Variants in SLC26A5 observed in about 807,000 individuals in gnomAD.
SLC26A5 encodes the protein solute carrier family 26 member 5.
In SLC26A5, 51 loss-of-function variants were observed where a neutral mutation model predicts 81.0. That is an observed-to-expected ratio of 0.63 (90% confidence interval 0.50 to 0.80). SLC26A5 has a LOEUF of 0.80. SLC26A5 is among the 30% of genes least tolerant of loss of function. The probability of loss-of-function intolerance (pLI) is 0.00; values close to 1 mark genes in which losing one functional copy is unlikely to be tolerated. For missense variants in SLC26A5, 771 were observed against 905.8 expected (o/e 0.85, Z 1.91); for synonymous variants, 325 against 332.8 (o/e 0.98, Z 0.25).
chr7:103,378,464 G>T lies in SLC26A5; in HGVS notation c.1767C>A (p.Asn589Lys), dbSNP rs375613469. The T allele has an allele frequency of 8.1e-6, 13 of 1,614,058 alleles. No individual in the cohort carries two copies. The highest frequency in any genetic ancestry group is 1.1e-5 in the Non-Finnish European group (13 of 1,179,930). Residue 589 changes from asparagine (N) to lysine (K), a missense_variant, in exon 17 of 20, where the codon AAC (asparagine) becomes AAA (lysine). Physicochemically the swap from Asn to Lys is moderately conservative, Grantham distance 94. Transcript: ENST00000306312. The stretch of plus-strand genomic sequence containing the variant: ...CACTCACTGCTTTGACAACAGTTGC[G>T]TTGGCCATATTTGCATTTCCGACTT... ...AKEVGNANMANATVVKADAEV... is the reference protein window; with the variant it reads ...AKEVGNANMAKATVVKADAEV...
At chr7:103,393,930 A>C (rs7808975) in intron 9 of SLC26A5, among the ~76,000 whole-genome samples, 2 of 152,172 alleles carry the variant, frequency 1.3e-5, no homozygotes, top group African/African-American at 4.8e-5. Flanking sequence ...CATTTATTAT[A>C]TGCTTTCTCT....
At chr7:103,353,829 T>C in intron 19 of SLC26A5, 1 of 1,094,114 alleles carries the variant, frequency 9.1e-7, no homozygotes, top group South Asian at 1.4e-5. Flanking sequence ...TAAAACAATT[T>C]GAATCGAACA....
In SLC26A5 at chr7:103,367,672, T is replaced by C; in HGVS notation, c.2041+9136A>G. 1 of 1,607,752 alleles carries C rather than the reference T, an allele frequency of 6.2e-7. No homozygotes were observed. The highest frequency in any genetic ancestry group is 1.7e-5 in the Admixed American group (1 of 58,864). On this transcript the variant is annotated intron_variant, in intron 19 of 19. Transcript: ENST00000339444. This position sits in a 1 kb window ranked among gnomAD's most constrained non-coding sequence, Gnocchi z 6.1. ...TTTTTGAAGTTTTTTCTTCCTGTGA[T>C]TTTTTTCCATTTTAATATTTGTCAA...
At chr7:103,364,363 T>C (rs748982263) in intron 19 of SLC26A5, 8 of 1,586,642 alleles carry the variant, frequency 5.0e-6, no homozygotes, top group East Asian at 2.2e-5. Flanking sequence ...ACAGTATGAA[T>C]GAAATTAAAA....
intron 2 of SLC26A5, among the ~76,000 whole-genome samples, chr7:103,422,428 G>C (rs2116733761): frequency 6.6e-6 from 1 of 152,250 alleles, no homozygotes; most frequent in Admixed American, 6.5e-5. Flanking sequence ...CAACAAAAAT[G>C]TAAGGCACAG....
At chr7:103,394,371 A>G (rs1257348489) in intron 9 of SLC26A5, among the ~76,000 whole-genome samples, 1 of 152,232 alleles carries the variant, frequency 6.6e-6, no homozygotes, top group East Asian at 1.9e-4. Flanking sequence ...GCAGGGAGTC[A>G]AACCTGGGGG....
At chr7:103,353,091 A>G (rs1024652251) in intron 19 of SLC26A5, among the ~76,000 whole-genome samples, 2 of 152,224 alleles carry the variant, frequency 1.3e-5, no homozygotes, top group African/African-American at 4.8e-5. Context: ...GTGAATAGAA[A>G]AGATTAACTG....
chr7:103,391,497 C>T lies in SLC26A5; in HGVS notation c.1233+125G>A, dbSNP rs1490518121. On this transcript the variant is annotated intron_variant, in intron 11 of 19. Coordinates refer to ENST00000306312, the MANE Select transcript of SLC26A5 (RefSeq NM_198999.3). ...AATCATGCCTTTCTCTGATTCCCTACACAGCTCACTGGAGCATGGATCTGC... is the reference window on the plus strand; with the variant it reads ...AATCATGCCTTTCTCTGATTCCCTATACAGCTCACTGGAGCATGGATCTGC... 7.8e-6 allele frequency: 6 copies of T among 770,754 alleles called. No homozygotes were observed. The African/African-American group carries it at 8.6e-5, about 11-fold the overall frequency. 47.7% of individuals were successfully genotyped at this position (770,754 alleles called of 1,614,324 possible). A position where few individuals can be genotyped will look rare whatever the true frequency, so the allele number is the denominator to read the frequency against.
Position 103,385,687 on chromosome 7 carries a change from TTTTTC to T in SLC26A5, c.1514+3316_1514+3320del, listed in dbSNP as rs757290661. Among the ~76,000 whole-genome samples, 838 of 150,416 alleles carry T rather than the reference TTTTTC, an allele frequency of 5.6e-3. 2 individuals carry two copies. The highest frequency in any genetic ancestry group is 0.019 in the African/African-American group (757 of 40,142). On this transcript the variant is annotated intron_variant, in intron 14 of 19. Coordinates refer to ENST00000306312, the MANE Select transcript of SLC26A5 (RefSeq NM_198999.3). ...AAGAAAGAGAAGTAGAGCTTTTATT[TTTTTC>T]TTTTCTTTTCTTTTTTTTTTTTTTT...
chr7:103,442,202 C>T (rs1007688428), intron 2 of SLC26A5, among the ~76,000 whole-genome samples: 4 of 151,962 alleles, frequency 2.6e-5, no homozygotes, highest in African/African-American at 7.3e-5. Context: ...AGTATAGTGG[C>T]GCAATCTCGG....
chr7:103,376,334 C>A (rs894783270), intron 19 of SLC26A5, among the ~76,000 whole-genome samples: 5 of 152,154 alleles, frequency 3.3e-5, no homozygotes, highest in African/African-American at 1.2e-4. Flanking sequence ...CCTTGGCCTC[C>A]CGAAGTGCTG....
chr7:103,368,132 C>A, intron 19 of SLC26A5: 1 of 1,266,810 alleles, frequency 7.9e-7, no homozygotes, highest in Non-Finnish European at 1.1e-6. Flanking sequence ...AATTCATAAA[C>A]AAATAAATGG....
chr7:103,360,748 C>T (rs1034379270), intron 19 of SLC26A5, among the ~76,000 whole-genome samples: 1 of 152,166 alleles, frequency 6.6e-6, no homozygotes, highest in African/African-American at 2.4e-5. Flanking sequence ...CTATTTTATA[C>T]TGTGATGTGC....
At chr7:103,442,672 G>A (rs77766068) in intron 2 of SLC26A5, among the ~76,000 whole-genome samples, 10,798 of 152,196 alleles carry the variant, frequency 0.071, 1,292 homozygotes, top group African/African-American at 0.25. Flanking sequence ...CATTTTATAC[G>A]TAGAAAAATT....
intron 14 of SLC26A5, among the ~76,000 whole-genome samples, chr7:103,386,734 C>T (rs528673880): frequency 1.3e-5 from 2 of 152,034 alleles, no homozygotes; most frequent in African/African-American, 4.8e-5. Context: ...AAATTCTATA[C>T]TGTAGCTTGT....
In SLC26A5 at chr7:103,443,437, T is replaced by C. The variant is rs562533126; in HGVS notation, c.-182-226A>G. 1.1e-4 allele frequency among the ~76,000 whole-genome samples: 17 copies of C among 152,338 alleles called. 1 individual carries two copies. Among genetic ancestry groups the C allele is most frequent in the African/African-American group, 3.4e-4 (14 of 41,588 alleles). ...GAACTGCTAGGATGTGAGAAAGATA[T>C]AGTTCAATTTTTGAACTCAGCCATT... On this transcript the variant is annotated intron_variant, in intron 1 of 19. Transcript: ENST00000306312.
chr7:103,387,533 C>T (rs780378657), intron 14 of SLC26A5, among the ~76,000 whole-genome samples: 1 of 152,162 alleles, frequency 6.6e-6, no homozygotes, highest in Non-Finnish European at 1.5e-5. Context: ...CAGGCCTTGT[C>T]ATTTAAGCCT....
intron 9 of SLC26A5, 45 bp downstream of exon 9, chr7:103,397,887 C>T: frequency 7.4e-7 from 1 of 1,351,586 alleles, no homozygotes; most frequent in Non-Finnish European, 1.1e-6. Flanking sequence ...GCAATAGATC[C>T]ATTGATTATT....
At position 103,389,015 on chromosome 7, in the gene SLC26A5, T is replaced by C; in HGVS notation, c.1507A>G (p.Thr503Ala). ...IIALLTVIYR[T>A]QSPSYKVLGK... Reference sequence around the variant, plus strand: ...TCCAATCTGGGCACTCACCTCTGTGTTCTGTAAATCACAGTCAGCAGAGCA... The same window carrying C: ...TCCAATCTGGGCACTCACCTCTGTGCTCTGTAAATCACAGTCAGCAGAGCA... The change falls in exon 14 of 20, where the codon ACA becomes GCA. Residue 503 changes from threonine (T) to alanine (A), a missense_variant. Thr to Ala is a moderately conservative substitution (Grantham distance 58). Coordinates refer to ENST00000306312, the MANE Select transcript of SLC26A5 (RefSeq NM_198999.3). 6 of 1,609,684 alleles carry C rather than the reference T, an allele frequency of 3.7e-6. No homozygotes were observed. Among genetic ancestry groups the C allele is most frequent in the Non-Finnish European group, 5.1e-6 (6 of 1,176,258 alleles).
Sources: gnomAD v4.1 joint callset for allele counts (sites outside exome capture counted in the v4.1 genomes callset) on GRCh38, gnomAD v4.1.1 for gene constraint, Gnocchi (gnomAD v3.1) non-coding constraint, MANE v1.5 for transcripts, NCBI Gene and HGNC (gene_info 2026-07-23, HGNC 2026-07-21) for gene names.